PDE4D: variants seen among roughly 807,000 people sequenced by gnomAD.
PDE4D encodes the protein phosphodiesterase 4D.
Under a neutral mutation model 87.4 loss-of-function variants are expected in PDE4D, and 24 were observed. The ratio of observed to expected loss-of-function variants is 0.27; its 90% CI spans 0.20 to 0.39. The LOEUF is 0.39. Among genes scored for constraint, PDE4D ranks in the 10% least tolerant of loss-of-function variants. The pLI is 1.00. For missense variants in PDE4D, 714 were observed against 1,041.0 expected, an observed-to-expected ratio of 0.69 and a Z score of 4.32; for synonymous variants, 384 against 383.2, an observed-to-expected ratio of 1.00 and a Z score of -0.02.
intron 1 of PDE4D, among the ~76,000 whole-genome samples, chr5:59,460,153 G>A (rs1466341821): frequency 6.6e-6 from 1 of 151,852 alleles, no homozygotes; most frequent in Non-Finnish European, 1.5e-5. Context: ...GATATATATT[G>A]TATATACTTT....
At position 59,224,064 on chromosome 5, in the gene PDE4D, T is replaced by C. The variant is rs11952118; in HGVS notation, c.456-8096A>G. Among the ~76,000 whole-genome samples, 204 of 148,592 alleles carry C rather than the reference T, an allele frequency of 1.4e-3. 3 individuals are homozygous for C. Among genetic ancestry groups the C allele is most frequent in the Middle Eastern group, 7.1e-3 (2 of 282 alleles). ...ACTTTGGGAGGCTAAGGGGAGTGGA[T>C]TGCTTGAGCTCAGGAGTTCAAGACC... On this transcript the variant is annotated intron_variant, in intron 1 of 14. Coordinates refer to ENST00000340635, the MANE Select transcript of PDE4D (RefSeq NM_001104631.2).
chr5:59,667,000 A>C (rs1196776794), intron 1 of PDE4D, among the ~76,000 whole-genome samples: 1 of 152,236 alleles, frequency 6.6e-6, no homozygotes, highest in Non-Finnish European at 1.5e-5. Context: ...AGGTGCATGC[A>C]GATGATAATG....
At chr5:60,423,524 C>T (rs1290429856) in intron 1 of PDE4D, among the ~76,000 whole-genome samples, 1 of 152,142 alleles carries the variant, frequency 6.6e-6, no homozygotes, top group African/African-American at 2.4e-5. Flanking sequence ...ATACCAGAAT[C>T]TCTGGGACAC....
At chr5:60,248,046 A>AT (rs775120857) in intron 1 of PDE4D, among the ~76,000 whole-genome samples, 9 of 152,096 alleles carry the variant, frequency 5.9e-5, no homozygotes, top group Non-Finnish European at 1.0e-4. Context: ...AAGCAATTTC[A>AT]TATGGTTCAA....
intron 6 of PDE4D, among the ~76,000 whole-genome samples, chr5:59,029,357 C>T (rs996747776): frequency 4.6e-5 from 6 of 131,528 alleles, no homozygotes; most frequent in Non-Finnish European, 7.6e-5. Flanking sequence ...GTGGAGCTTG[C>T]AGTAAGCCGA....
chr5:59,240,432 C>A (rs745528797), intron 1 of PDE4D, among the ~76,000 whole-genome samples: 2 of 152,120 alleles, frequency 1.3e-5, no homozygotes, highest in African/African-American at 2.4e-5. Flanking sequence ...TTTATTTGCA[C>A]CTGTGCTCAC....
chr5:59,043,518 G>T (rs561109109), intron 5 of PDE4D, among the ~76,000 whole-genome samples: 1 of 146,272 alleles, frequency 6.8e-6, no homozygotes, highest in African/African-American at 2.5e-5. Context: ...AGAAGACTCC[G>T]ACTCAAAAAA....
Position 60,416,141 on chromosome 5 carries a change from A to G in PDE4D, c.-90+71801T>C, listed in dbSNP as rs144080991. Among the ~76,000 whole-genome samples the G allele has an allele frequency of 7.8e-3, 1,190 of 152,110 alleles. 20 individuals carry two copies. Among genetic ancestry groups the G allele is most frequent in the African/African-American group, 0.027 (1,133 of 41,482 alleles). ...TCTAGCTAATCTAGTGTGGACATGG[A>G]GAACTTTTGTGTCTAGCTCAAGGAT... On this transcript the variant is annotated intron_variant, in intron 1 of 16. Transcript: ENST00000502484.
intron 1 of PDE4D, among the ~76,000 whole-genome samples, chr5:60,289,782 A>C (rs1469329472): frequency 6.6e-6 from 1 of 152,208 alleles, no homozygotes; most frequent in Non-Finnish European, 1.5e-5. Context: ...TCTGTTTTAT[A>C]GAGATTTTTA....
intron 3 of PDE4D, among the ~76,000 whole-genome samples, chr5:59,901,012 A>G (rs1405799796): frequency 6.6e-6 from 1 of 152,218 alleles, no homozygotes; most frequent in East Asian, 1.9e-4. Flanking sequence ...AATAGTTCTC[A>G]TTTTAAAAAG....
intron 1 of PDE4D, among the ~76,000 whole-genome samples, chr5:59,672,387 G>A (rs1172213935): frequency 3.3e-5 from 5 of 152,108 alleles, no homozygotes; most frequent in Admixed American, 2.6e-4. Context: ...AAATGAAAAA[G>A]TTTATATCAC....
chr5:59,847,559 T>C (rs1376028318), intron 1 of PDE4D, among the ~76,000 whole-genome samples: 1 of 152,106 alleles, frequency 6.6e-6, no homozygotes, highest in African/African-American at 2.4e-5. Context: ...CGAGTCATGG[T>C]ACCTTTTAGA....
chr5:59,239,344 T>C (rs747292606), intron 1 of PDE4D, among the ~76,000 whole-genome samples: 8 of 152,140 alleles, frequency 5.3e-5, no homozygotes, highest in Non-Finnish European at 1.2e-4. Flanking sequence ...TCAACCCTGC[T>C]CTCTGCCTCT....
intron 2 of PDE4D, among the ~76,000 whole-genome samples, chr5:60,141,264 C>T (rs1319901948): frequency 6.6e-6 from 1 of 152,128 alleles, no homozygotes; most frequent in Non-Finnish European, 1.5e-5. Context: ...GCCCCTTCCA[C>T]AGCAATTACG....
intron 1 of PDE4D, among the ~76,000 whole-genome samples, chr5:60,309,957 AAT>A (rs1209559355): frequency 6.6e-6 from 1 of 152,190 alleles, no homozygotes; most frequent in Non-Finnish European, 1.5e-5. Flanking sequence ...TCCATAATCT[AAT>A]ATATAAGTAA....
chr5:59,135,700 TA>T (rs1453852550), intron 5 of PDE4D, among the ~76,000 whole-genome samples: 1 of 147,466 alleles, frequency 6.8e-6, no homozygotes, highest in Non-Finnish European at 1.5e-5. Flanking sequence ...ACGCCAGCAC[TA>T]TGCAGATGAT....
chr5:59,193,735 C>T lies in PDE4D; in HGVS notation c.648-199G>A, dbSNP rs1268776878. The T allele has an allele frequency of 3.0e-6, 3 of 985,258 alleles. No homozygotes were observed. In the African/African-American group the frequency reaches 5.2e-5, roughly 17 times the overall value. 61.0% of individuals were successfully genotyped at this position (985,258 alleles called of 1,614,324 possible). On this transcript the variant is annotated intron_variant, in intron 2 of 14. Coordinates refer to ENST00000340635, the MANE Select transcript of PDE4D (RefSeq NM_001104631.2). The stretch of plus-strand genomic sequence containing the variant: ...TGGGATGTTAACAATTGTCCAACTC[C>T]CTGGGTAAAAAGAGGGGCTTCTTGA...
intron 1 of PDE4D, among the ~76,000 whole-genome samples, chr5:60,271,722 G>A (rs953817694): frequency 1.3e-5 from 2 of 152,170 alleles, no homozygotes; most frequent in Non-Finnish European, 2.9e-5. Context: ...CATTTCAAAT[G>A]AAATACAGCA....
chr5:59,214,711 GGAATA>G (rs1479399000), intron 2 of PDE4D, among the ~76,000 whole-genome samples: 2 of 152,140 alleles, frequency 1.3e-5, no homozygotes, highest in Non-Finnish European at 2.9e-5. Flanking sequence ...AGGGCCACTA[GGAATA>G]GAAAGTTGTT....
Sources: gnomAD v4.1 joint callset for allele counts (sites outside exome capture counted in the v4.1 genomes callset) on GRCh38, gnomAD v4.1.1 for gene constraint, MANE v1.5 for transcripts, NCBI Gene and HGNC (gene_info 2026-07-23, HGNC 2026-07-21) for gene names.